LPGAT1: variants seen among roughly 807,000 people sequenced by gnomAD.
LPGAT1 encodes acyl-CoA:lysophosphatidylglycerol acyltransferase 1.
A neutral mutation model predicts 47.5 loss-of-function variants in LPGAT1; 11 were observed. The observed-to-expected ratio is 0.23, with a 90% CI of 0.15 to 0.38. The LOEUF is 0.38. Among genes scored for constraint, LPGAT1 ranks in the 10% least tolerant of loss-of-function variants. The probability of loss-of-function intolerance (pLI) is 1.00; values close to 1 mark genes in which losing one functional copy is unlikely to be tolerated. For missense variants in LPGAT1, 293 were observed against 439.0 expected (o/e 0.67, Z 2.97); for synonymous variants, 138 against 144.2 (o/e 0.96, Z 0.31).
chr1:211,759,772 A>G (rs12084756), intron 6 of LPGAT1, among the ~76,000 whole-genome samples: 52,048 of 152,074 alleles, frequency 0.34, 9,786 homozygotes, highest in Non-Finnish European at 0.43. Context: ...AATACACAGT[A>G]AACATTAAAT....
chr1:211,814,990 C>T (rs959525741), intron 2 of LPGAT1, among the ~76,000 whole-genome samples: 2 of 152,220 alleles, frequency 1.3e-5, no homozygotes, highest in Non-Finnish European at 2.9e-5. Flanking sequence ...ACTCTTAAGG[C>T]TGGCATTCCT....
intron 6 of LPGAT1, among the ~76,000 whole-genome samples, chr1:211,778,199 G>A (rs1019856515): frequency 2.6e-5 from 4 of 151,960 alleles, no homozygotes; most frequent in Admixed American, 1.3e-4. Flanking sequence ...AAAATTAGCC[G>A]GGCATGGTGG....
At position 211,745,805 on chromosome 1, in the gene LPGAT1, A is replaced by T. The variant is rs1331478807; in HGVS notation, c.*4094T>A. The T allele has an allele frequency of 1.3e-5, 2 of 152,644 alleles. No individual in the cohort carries two copies. The highest frequency in any genetic ancestry group is 2.9e-5 in the Non-Finnish European group (2 of 68,040). The allele number at this position is 152,644 out of a possible 1,614,324, so 9.5% of individuals were successfully genotyped here. On this transcript the variant is annotated 3_prime_UTR_variant, in exon 8 of 8. Transcript: ENST00000366997. ...CTAACTTAGATGGTTTTGGTCCCAA[A>T]CATATTAGTCTCTACCCTTCCTGCT...
At chr1:211,776,880 G>C (rs1430753751) in intron 6 of LPGAT1, among the ~76,000 whole-genome samples, 2 of 151,894 alleles carry the variant, frequency 1.3e-5, no homozygotes, top group Admixed American at 6.6e-5. Flanking sequence ...CCTACACTTT[G>C]GGCACCCACT....
rs747346546 is a variant in LPGAT1 at position 211,747,631 on chromosome 1, C to T, written c.*2268G>A. The T allele has an allele frequency of 3.3e-5, 5 of 152,152 alleles. No homozygotes were observed. The highest frequency in any genetic ancestry group is 7.2e-5 in the African/African-American group (3 of 41,418). 9.4% of individuals were successfully genotyped at this position (152,152 alleles called of 1,614,324 possible). A position where few individuals can be genotyped will look rare whatever the true frequency, so the allele number is the denominator to read the frequency against. On this transcript the variant is annotated 3_prime_UTR_variant, in exon 8 of 8. Coordinates refer to ENST00000366997, the MANE Select transcript of LPGAT1 (RefSeq NM_014873.3). ...GAGGAAAAGGTCTATCAGCTAGGACCGTGCATGCTGTATTTGACAGTGAGC... is the reference window on the plus strand; with the variant it reads ...GAGGAAAAGGTCTATCAGCTAGGACTGTGCATGCTGTATTTGACAGTGAGC...
At chr1:211,759,959 T>G (rs1460834104) in intron 6 of LPGAT1, among the ~76,000 whole-genome samples, 1 of 152,262 alleles carries the variant, frequency 6.6e-6, no homozygotes, top group Admixed American at 6.5e-5. Flanking sequence ...TATTGCTATA[T>G]TATCTTTATA....
chr1:211,758,488 G>C (rs992530802), intron 6 of LPGAT1, among the ~76,000 whole-genome samples: 1 of 152,100 alleles, frequency 6.6e-6, no homozygotes, highest in Non-Finnish European at 1.5e-5. Flanking sequence ...AGACCACAGG[G>C]GTCAGGAGAT....
chr1:211,814,835 G>C (rs996630580), intron 2 of LPGAT1, among the ~76,000 whole-genome samples: 2 of 152,086 alleles, frequency 1.3e-5, no homozygotes, highest in Non-Finnish European at 2.9e-5. Flanking sequence ...CTCCAATCTA[G>C]TTACACTTCT....
At chr1:211,807,542 T>C (rs1033765512) in intron 2 of LPGAT1, among the ~76,000 whole-genome samples, 2 of 152,098 alleles carry the variant, frequency 1.3e-5, no homozygotes, top group Non-Finnish European at 2.9e-5. Context: ...TGGTGTGGCA[T>C]TGGTGAAGGG....
At chr1:211,792,852 C>T (rs1659187572) in intron 3 of LPGAT1, among the ~76,000 whole-genome samples, 1 of 151,388 alleles carries the variant, frequency 6.6e-6, no homozygotes, top group African/African-American at 2.4e-5. Flanking sequence ...ACTGGGACTA[C>T]AGGTGCACAC....
chr1:211,828,227 G>A (rs1660602753), intron 2 of LPGAT1, among the ~76,000 whole-genome samples: 1 of 152,116 alleles, frequency 6.6e-6, no homozygotes, highest in Non-Finnish European at 1.5e-5. Context: ...CATCTGACAA[G>A]TGCTAAAAAC....
chr1:211,764,032 C>A (rs12122562), intron 6 of LPGAT1, among the ~76,000 whole-genome samples: 5,913 of 152,146 alleles, frequency 0.039, 140 homozygotes, highest in Middle Eastern at 0.11. Context: ...ATTAGCTGAG[C>A]GTGATGGCAT....
At chr1:211,823,722 G>A (rs1349031638) in intron 2 of LPGAT1, among the ~76,000 whole-genome samples, 1 of 152,138 alleles carries the variant, frequency 6.6e-6, no homozygotes, top group Non-Finnish European at 1.5e-5. Context: ...AGGAGCCCTT[G>A]AAACCAGGAG....
Position 211,830,563 on chromosome 1 carries a change from C to G in LPGAT1, c.-28+10G>C. 8.3e-7 allele frequency: 1 copy of G among 1,208,066 alleles called. No individual in the cohort carries two copies. The highest frequency in any genetic ancestry group is 1.0e-6 in the Non-Finnish European group (1 of 972,538). The allele number at this position is 1,208,066 out of a possible 1,614,324, so 74.8% of individuals were successfully genotyped here. ...GCTCTGGGGCCTGCGACCGCGGAGCCGGAGGTTACCTCGGGCTGGCCGGGC... is the reference window on the plus strand; with the variant it reads ...GCTCTGGGGCCTGCGACCGCGGAGCGGGAGGTTACCTCGGGCTGGCCGGGC... On this transcript the variant is annotated intron_variant, in intron 1 of 7. Coordinates refer to ENST00000366997, the MANE Select transcript of LPGAT1 (RefSeq NM_014873.3). The surrounding 1 kb of genome is among the most constrained non-coding windows in gnomAD (Gnocchi z 5.9).
At chr1:211,808,613 T>C (rs549316151) in intron 2 of LPGAT1, among the ~76,000 whole-genome samples, 61 of 152,288 alleles carry the variant, frequency 4.0e-4, no homozygotes, top group Non-Finnish European at 8.1e-4. Flanking sequence ...AACTGGAACA[T>C]TGCTGATGGA....
In LPGAT1 at chr1:211,830,458, C is replaced by T; in HGVS notation, c.-28+115G>A. 2 of 1,181,436 alleles carry T rather than the reference C, an allele frequency of 1.7e-6. No homozygotes were observed. The highest frequency in any genetic ancestry group is 2.1e-6 in the Non-Finnish European group (2 of 953,340). 73.2% of individuals were successfully genotyped at this position (1,181,436 alleles called of 1,614,324 possible). A position where few individuals can be genotyped will look rare whatever the true frequency, so the allele number is the denominator to read the frequency against. On this transcript the variant is annotated intron_variant, in intron 1 of 7. Coordinates refer to ENST00000366997, the MANE Select transcript of LPGAT1 (RefSeq NM_014873.3). The surrounding 1 kb of genome is among the most constrained non-coding windows in gnomAD (Gnocchi z 5.9). ...CCTACCGCGCCCTCGTCCCTCAGGC[C>T]GCTGCCGCCTCCCCGGGCCACGCGA...
At chr1:211,787,773 G>T in intron 3 of LPGAT1, 46 bp from the exon 4 acceptor site, 1 of 1,190,446 alleles carries the variant, frequency 8.4e-7, no homozygotes, top group Non-Finnish European at 1.2e-6. Context: ...GAAGAAACCT[G>T]ACTATAGTTG....
chr1:211,816,620 C>T lies in LPGAT1; in HGVS notation c.238+12439G>A, dbSNP rs151171852. On this transcript the variant is annotated intron_variant, in intron 2 of 7. Coordinates refer to ENST00000366997, the MANE Select transcript of LPGAT1 (RefSeq NM_014873.3). ...GTTAGCTTTTATTCATTTACACATGCCTTTTCCCAAAAGGCTAACATAATT... is the reference window on the plus strand; with the variant it reads ...GTTAGCTTTTATTCATTTACACATGTCTTTTCCCAAAAGGCTAACATAATT... Among the ~76,000 whole-genome samples, 31 of 152,236 alleles carry T rather than the reference C, an allele frequency of 2.0e-4. No homozygotes were observed. In the East Asian group the frequency reaches 5.4e-3, roughly 26 times the overall value.
chr1:211,800,620 T>C (rs959077628), intron 2 of LPGAT1, among the ~76,000 whole-genome samples: 4 of 152,194 alleles, frequency 2.6e-5, no homozygotes, highest in African/African-American at 7.2e-5. Flanking sequence ...GAAGCAATTC[T>C]TCCCCCTACA....
Sources: gnomAD v4.1 joint callset for allele counts (sites outside exome capture counted in the v4.1 genomes callset) on GRCh38, gnomAD v4.1.1 for gene constraint, Gnocchi (gnomAD v3.1) non-coding constraint, MANE v1.5 for transcripts, NCBI Gene and HGNC (gene_info 2026-07-23, HGNC 2026-07-21) for gene names.